Variants in ZBTB11 observed in about 807,000 individuals in gnomAD.
The protein encoded by ZBTB11 is zinc finger and BTB domain-containing protein 11.
Under a neutral mutation model 113.1 loss-of-function variants are expected in ZBTB11, and 68 were observed. That is an observed-to-expected ratio of 0.60 (90% CI 0.49 to 0.74). ZBTB11 has a LOEUF of 0.74. Among genes scored for constraint, ZBTB11 ranks in the 30% least tolerant of loss-of-function variants. ZBTB11 has a pLI of 0.00. For missense variants in ZBTB11, 1,104 were observed against 1,279.4 expected (o/e 0.86, Z 2.09); for synonymous variants, 518 against 452.6 (o/e 1.14, Z -1.83).
chr3:101,674,029 A>T (rs560200742), intron 1 of ZBTB11, among the ~76,000 whole-genome samples: 1 of 131,178 alleles, frequency 7.6e-6, no homozygotes, highest in Non-Finnish European at 1.6e-5. Flanking sequence ...GGATTCACAG[A>T]GACTGTTTTT....
In ZBTB11 at chr3:101,664,556, A is replaced by C. The variant is rs1193879962; in HGVS notation, c.1782T>G (p.Ala594=). 6.2e-7 allele frequency: 1 copy of C among 1,605,196 alleles called. No individual in the cohort carries two copies. The highest frequency in any genetic ancestry group is 8.5e-7 in the Non-Finnish European group (1 of 1,177,888). Residue 594 remains alanine, a synonymous_variant, in exon 5 of 11, where the codon GCT becomes GCG. Coordinates refer to ENST00000312938, the MANE Select transcript of ZBTB11 (RefSeq NM_014415.4). ...LIMHKLKHER[A]RDYKCPLCKK... ...TACTTACTGGACATTTGTAATCTCT[A>C]GCTCTTTCATGTTTCAGTTTGTGCA... is the stretch of plus-strand genomic sequence containing the variant.
intron 3 of ZBTB11, among the ~76,000 whole-genome samples, chr3:101,668,648 T>A (rs1937034516): frequency 6.7e-6 from 1 of 149,942 alleles, no homozygotes. Flanking sequence ...GCTGAAAGAA[T>A]TTTGAATGTT....
chr3:101,672,985 G>A (rs1467939269), intron 1 of ZBTB11, among the ~76,000 whole-genome samples: 1 of 152,156 alleles, frequency 6.6e-6, no homozygotes, highest in African/African-American at 2.4e-5. Context: ...CCTGGAACAG[G>A]ACTACTACAA....
intron 5 of ZBTB11, among the ~76,000 whole-genome samples, chr3:101,663,226 C>A (rs1936923589): frequency 6.6e-6 from 1 of 152,068 alleles, no homozygotes; most frequent in Non-Finnish European, 1.5e-5. Context: ...GTGTGAGCCA[C>A]CGCACCCAGC....
rs1936686752 is a variant in ZBTB11 at position 101,650,704 on chromosome 3, A to T, written c.*462T>A. ...ATCCTATTGAAATGCTTTATATTAG[A>T]ATTTTCTTTTTAATCCATAAACAGG... is the stretch of plus-strand genomic sequence containing the variant. On this transcript the variant is annotated 3_prime_UTR_variant, in exon 11 of 11. Transcript: ENST00000312938. 6.5e-6 allele frequency: 1 copy of T among 153,072 alleles called. No homozygotes were observed. The highest frequency in any genetic ancestry group is 2.1e-4 in the South Asian group (1 of 4,852). 9.5% of individuals were successfully genotyped at this position (153,072 alleles called of 1,614,324 possible).
rs1275342363 is a variant in ZBTB11, at chr3:101,651,314, T to C, written c.3014A>G (p.Tyr1005Cys). The C allele has an allele frequency of 1.2e-6, 2 of 1,614,038 alleles. No individual in the cohort carries two copies. Among genetic ancestry groups the C allele is most frequent in the South Asian group, 2.2e-5 (2 of 91,066 alleles). Residue 1005 changes from tyrosine to cysteine, a missense_variant, in exon 11 of 11, where the codon TAT (tyrosine) becomes TGT (cysteine). Tyr to Cys is a radical substitution (Grantham distance 194). This residue lies in a region of ZBTB11 where 90 missense variants were observed against 98.0 expected (regional missense o/e 0.92). Coordinates refer to ENST00000312938, the MANE Select transcript of ZBTB11 (RefSeq NM_014415.4). ...ALEAVAATEE[Y>C]PSVSTLSDQS... ...GTCAGAAAGTGTAGATACCGATGGA[T>C]ACTCTTCAGTAGCTGCAACAGCTTC...
At chr3:101,676,153 C>T (rs1937164730) in intron 1 of ZBTB11, among the ~76,000 whole-genome samples, 1 of 152,110 alleles carries the variant, frequency 6.6e-6, no homozygotes, top group Admixed American at 6.5e-5. Context: ...AACCCAAGCG[C>T]AGCACTAAAG....
chr3:101,654,930 T>G, intron 7 of ZBTB11, 109 bp from the exon 8 acceptor site: 1 of 761,052 alleles, frequency 1.3e-6, no homozygotes, highest in South Asian at 1.7e-5. Flanking sequence ...TTGGATGGAG[T>G]GCAGTGGCGT....
chr3:101,677,048 G>T lies in ZBTB11; in HGVS notation c.-134C>A, dbSNP rs1298207977. The T allele has an allele frequency of 2.0e-6, 2 of 991,034 alleles. No homozygotes were observed. The highest frequency in any genetic ancestry group is 2.9e-5 in the East Asian group (1 of 34,610). 61.4% of individuals were successfully genotyped at this position (991,034 alleles called of 1,614,324 possible). On this transcript the variant is annotated 5_prime_UTR_variant, in exon 1 of 11. Coordinates refer to ENST00000312938, the MANE Select transcript of ZBTB11 (RefSeq NM_014415.4). ...GCGCCTTTGGCGAGCGCTCTTCGACGGCTCCCTTAGTCCGAAGGAAAAGCG... is the reference window on the plus strand; with the variant it reads ...GCGCCTTTGGCGAGCGCTCTTCGACTGCTCCCTTAGTCCGAAGGAAAAGCG...
At position 101,649,324 on chromosome 3, in the gene ZBTB11, A is replaced by G. The variant is rs1403673733; in HGVS notation, c.*1842T>C. On this transcript the variant is annotated 3_prime_UTR_variant, in exon 11 of 11. Transcript: ENST00000312938. ...AGAAGTTTTAATATTGTGTTCCTCC[A>G]ATCGTTATTTTTTAGTGTTTTATTT... 1 of 152,214 alleles carries G rather than the reference A, an allele frequency of 6.6e-6. No individual in the cohort carries two copies. Among genetic ancestry groups the G allele is most frequent in the Admixed American group, 6.5e-5 (1 of 15,286 alleles). 9.4% of individuals were successfully genotyped at this position (152,214 alleles called of 1,614,324 possible).
chr3:101,654,625 A>G, intron 8 of ZBTB11, 79 bp downstream of exon 8: 1 of 1,235,334 alleles, frequency 8.1e-7, no homozygotes, highest in Admixed American at 2.0e-5. Context: ...ACAGTTTAAT[A>G]TTATCTTCAA....
rs1936700143 is a variant in ZBTB11, at chr3:101,651,431, C to T, written c.2897G>A (p.Ser966Asn). 6.2e-7 allele frequency: 1 copy of T among 1,614,048 alleles called. No individual in the cohort carries two copies. The highest frequency in any genetic ancestry group is 1.3e-5 in the African/African-American group (1 of 74,926). ...NQGTQVAHAV[S>N]ILTAGMQEQE... ...TTCCTGCATGCCTGCTGTTAAGATG[C>T]TAACAGCATGTGCCACTTGAGTTCC... Residue 966 changes from serine (S) to asparagine (N), a missense_variant, in exon 11 of 11, where the codon AGC becomes AAC. Coordinates refer to ENST00000312938, the MANE Select transcript of ZBTB11 (RefSeq NM_014415.4).
Position 101,672,944 on chromosome 3 carries a change from T to G in ZBTB11, c.311-731A>C, listed in dbSNP as rs545138348. Among the ~76,000 whole-genome samples the G allele has an allele frequency of 7.9e-5, 12 of 152,282 alleles. 1 individual carries two copies. In the South Asian group the frequency reaches 2.3e-3, roughly 29 times the overall value. The stretch of plus-strand genomic sequence containing the variant: ...GGGATGTTGTTCTTAAACCTGAATT[T>G]CAGATGAAAAAAGCTGAAACCAATC... On this transcript the variant is annotated intron_variant, in intron 1 of 10. Coordinates refer to ENST00000312938, the MANE Select transcript of ZBTB11 (RefSeq NM_014415.4).
chr3:101,653,055 G>T (rs2303474), intron 8 of ZBTB11, 117 bp from the exon 9 acceptor site: 362,280 of 1,102,708 alleles, frequency 0.33, 62,199 homozygotes, highest in Non-Finnish European at 0.35. Flanking sequence ...CAACTTAAAA[G>T]AATTCCCTAA....
Position 101,676,642 on chromosome 3 carries a change from C to A in ZBTB11, c.273G>T (p.Gln91His). The A allele has an allele frequency of 1.3e-6, 2 of 1,560,162 alleles. No individual in the cohort carries two copies. The highest frequency in any genetic ancestry group is 1.2e-5 in the South Asian group (1 of 84,522). Residue 91 changes from glutamine (Q) to histidine (H), a missense_variant, in exon 1 of 11, where the codon CAG becomes CAT. Gln to His is a conservative substitution (Grantham distance 24). Around this residue, in one of 5 missense-constraint regions of ZBTB11, gnomAD observed 245 missense variants for 272.5 expected, o/e 0.90. Transcript: ENST00000312938. ...GPGGTHHTRH[Q>H]TWHYLSKTYW... ...ACGTCTTGGACAAGTAGTGCCAGGT[C>A]TGATGCCGGGTGTGGTGAGTGCCGC... is the stretch of plus-strand genomic sequence containing the variant.
rs766091539 is a variant in ZBTB11, at chr3:101,665,811, G to A, written c.779-3C>T. 7 of 1,571,806 alleles carry A rather than the reference G, an allele frequency of 4.5e-6. No individual in the cohort carries two copies. The highest frequency in any genetic ancestry group is 4.0e-5 in the Admixed American group (2 of 50,264). On this transcript the variant is annotated splice_region_variant and splice_polypyrimidine_tract_variant and intron_variant, in intron 3 of 10. Transcript: ENST00000312938. The stretch of plus-strand genomic sequence containing the variant: ...AAGGAAGCTGGCCTTACAAAAACCT[G>A]TATGAATACAAAGAAGGTAAAGACA...
At chr3:101,662,518 G>A (rs570343276) in intron 5 of ZBTB11, among the ~76,000 whole-genome samples, 3 of 152,168 alleles carry the variant, frequency 2.0e-5, no homozygotes, top group Non-Finnish European at 4.4e-5. Flanking sequence ...CAGCTACTCG[G>A]GAGGCTGAGG....
chr3:101,663,733 CA>C (rs529956916), intron 5 of ZBTB11, among the ~76,000 whole-genome samples: 62 of 151,828 alleles, frequency 4.1e-4, no homozygotes, highest in Non-Finnish European at 7.5e-4. Flanking sequence ...TATAAAAATA[CA>C]AAAAAATTAG....
At chr3:101,662,668 G>A (rs747610103) in intron 5 of ZBTB11, among the ~76,000 whole-genome samples, 3 of 152,094 alleles carry the variant, frequency 2.0e-5, no homozygotes, top group African/African-American at 4.8e-5. Context: ...TTTTGTAAAC[G>A]TAATTTTTTC....
Sources: allele counts gnomAD v4.1 joint callset (sites outside exome capture counted in the v4.1 genomes callset), GRCh38; gene constraint gnomAD v4.1.1; regional missense constraint gnomAD v4.1.1; transcripts MANE v1.5; gene names NCBI Gene and HGNC (gene_info 2026-07-23, HGNC 2026-07-21).